Variants in IPO8 observed in about 807,000 individuals in gnomAD.
IPO8 encodes importin 8.
IPO8 carries 65 observed loss-of-function variants against 141.2 expected under a neutral mutation model. The observed-to-expected ratio is 0.46, with a 90% CI of 0.38 to 0.57. IPO8 has a LOEUF of 0.57. IPO8 is among the 20% of genes least tolerant of loss of function. The pLI, the probability that IPO8 is intolerant of heterozygous loss-of-function variation, is 0.00. For missense variants in IPO8, 980 were observed against 1,246.8 expected, an observed-to-expected ratio of 0.79 and a Z score of 3.22; for synonymous variants, 411 against 420.3, an observed-to-expected ratio of 0.98 and a Z score of 0.27.
Position 30,681,770 on chromosome 12 carries a change from G to A in IPO8, c.371C>T (p.Pro124Leu). Residue 124 changes from proline to leucine, a missense_variant, in exon 4 of 25, where the codon CCT becomes CTT. Around this residue, in one of 3 missense-constraint regions of IPO8, gnomAD observed 924 missense variants for 1,153.9 expected, o/e 0.80. Coordinates refer to ENST00000256079, the MANE Select transcript of IPO8 (RefSeq NM_006390.4). Reference sequence around the variant, plus strand: ...GTCGACCACTCCTGGCCAGTGACCAGGAAAATCATGTTTTATGATGGCACG... The same window carrying A: ...GTCGACCACTCCTGGCCAGTGACCAAGAAAATCATGTTTTATGATGGCACG... Reference protein sequence around the residue: ...CLRAIIKHDFPGHWPGVVDKI... With the variant: ...CLRAIIKHDFLGHWPGVVDKI... The A allele has an allele frequency of 6.2e-7, 1 of 1,613,540 alleles. No homozygotes were observed. The highest frequency in any genetic ancestry group is 8.5e-7 in the Non-Finnish European group (1 of 1,179,618).
intron 21 of IPO8, among the ~76,000 whole-genome samples, chr12:30,637,902 G>A (rs1487574859): frequency 6.6e-6 from 1 of 152,178 alleles, no homozygotes; most frequent in African/African-American, 2.4e-5. Context: ...GCGATTCAAT[G>A]TGTTTAAAGT....
chr12:30,646,063 G>T (rs967340783), intron 20 of IPO8, among the ~76,000 whole-genome samples: 5 of 152,082 alleles, frequency 3.3e-5, no homozygotes, highest in African/African-American at 1.2e-4. Flanking sequence ...CACAAGAAAA[G>T]AAAGTTAGAG....
chr12:30,654,365 A>C (rs1272027954), intron 17 of IPO8, among the ~76,000 whole-genome samples: 1 of 151,936 alleles, frequency 6.6e-6, no homozygotes, highest in Non-Finnish European at 1.5e-5. Context: ...CAAAAGCAAA[A>C]ACAGACAAAA....
intron 1 of IPO8, among the ~76,000 whole-genome samples, 154 bp from the exon 2 acceptor site, chr12:30,690,731 C>A (rs1313378857): frequency 6.6e-6 from 1 of 152,084 alleles, no homozygotes; most frequent in Non-Finnish European, 1.5e-5. Flanking sequence ...TACTAAAATA[C>A]TTCAAGTCAA....
At chr12:30,644,877 T>A (rs2136132589) in intron 20 of IPO8, among the ~76,000 whole-genome samples, 1 of 150,972 alleles carries the variant, frequency 6.6e-6, no homozygotes, top group East Asian at 2.0e-4. Context: ...GGTTTCAAAC[T>A]CCTAACCTCA....
Position 30,649,041 on chromosome 12 carries a change from C to T in IPO8, c.2268+96G>A. The T allele has an allele frequency of 2.5e-6, 2 of 815,602 alleles. 1 individual carries two copies. The highest frequency in any genetic ancestry group is 4.0e-6 in the Non-Finnish European group (2 of 497,304). 50.5% of individuals were successfully genotyped at this position (815,602 alleles called of 1,614,324 possible). A position where few individuals can be genotyped will look rare whatever the true frequency, so the allele number is the denominator to read the frequency against. ...CAGAAAGCACAATCTATAGGCTGTC[C>T]TTTCCATTTTTCATCATAATATAAA... On this transcript the variant is annotated intron_variant, in intron 20 of 24. Coordinates refer to ENST00000256079, the MANE Select transcript of IPO8 (RefSeq NM_006390.4).
At chr12:30,663,450 A>G in intron 14 of IPO8, 39 bp downstream of exon 14, 2 of 1,534,402 alleles carry the variant, frequency 1.3e-6, no homozygotes. Context: ...AGTAAATGAA[A>G]TTATTTGAGA....
At chr12:30,633,102 A>C (rs2052455660) in intron 23 of IPO8, among the ~76,000 whole-genome samples, 1 of 152,176 alleles carries the variant, frequency 6.6e-6, no homozygotes, top group Non-Finnish European at 1.5e-5. Flanking sequence ...TACGTTTCCC[A>C]TGCTTTGGAA....
At chr12:30,665,606 A>C (rs1591835391) in intron 12 of IPO8, 123 bp downstream of exon 12, 1 of 657,994 alleles carries the variant, frequency 1.5e-6, no homozygotes, top group East Asian at 2.7e-5. Flanking sequence ...AGAAAGGAGG[A>C]TAGTTGTGAA....
intron 17 of IPO8, among the ~76,000 whole-genome samples, chr12:30,655,586 T>C (rs1387271029): frequency 6.6e-6 from 1 of 152,178 alleles, no homozygotes; most frequent in Non-Finnish European, 1.5e-5. Context: ...TTCTATGAGT[T>C]TGAGATCTTG....
Position 30,693,596 on chromosome 12 carries a change from T to A in IPO8, c.84+1968A>T, listed in dbSNP as rs538108915. On this transcript the variant is annotated intron_variant, in intron 1 of 24. Coordinates refer to ENST00000256079, the MANE Select transcript of IPO8 (RefSeq NM_006390.4). ...CACTCATTTATCCAACAAAGTCGGA[T>A]GTTACAGTGGTGGCAAAGGACAAGC... 2.6e-5 allele frequency among the ~76,000 whole-genome samples: 4 copies of A among 152,338 alleles called. 1 individual carries two copies. In the South Asian group the frequency reaches 8.3e-4, roughly 32 times the overall value.
intron 8 of IPO8, among the ~76,000 whole-genome samples, chr12:30,673,335 T>C (rs967901965): frequency 6.6e-6 from 1 of 152,226 alleles, no homozygotes; most frequent in Non-Finnish European, 1.5e-5. Context: ...TTCCTCAATA[T>C]GGTCCTGACA....
rs1247758683 is a variant in IPO8, at chr12:30,681,726, G to C, written c.415C>G (p.Gln139Glu). Residue 139 changes from glutamine to glutamate, a missense_variant, in exon 4 of 25, where the codon CAA becomes GAA. Physicochemically the swap from Gln to Glu is conservative, Grantham distance 29. Around this residue, in one of 3 missense-constraint regions of IPO8, gnomAD observed 924 missense variants for 1,153.9 expected, o/e 0.80. Coordinates refer to ENST00000256079, the MANE Select transcript of IPO8 (RefSeq NM_006390.4). ...GVVDKIDYYL[Q>E]SQSSASWLGS... ...AGCCAGCTTGCACTGCTCTGTGATT[G>C]CAAGTAATAGTCTATCTTGTCGACC... 1 of 1,613,796 alleles carries C rather than the reference G, an allele frequency of 6.2e-7. No individual in the cohort carries two copies. Among genetic ancestry groups the C allele is most frequent in the Non-Finnish European group, 8.5e-7 (1 of 1,179,744 alleles).
At chr12:30,639,147 A>T (rs529714201) in intron 21 of IPO8, among the ~76,000 whole-genome samples, 1 of 152,282 alleles carries the variant, frequency 6.6e-6, no homozygotes, top group African/African-American at 2.4e-5. Context: ...TCTTTGCCAG[A>T]GGGGTACCAT....
chr12:30,659,320 T>C (rs2052848553), intron 16 of IPO8, among the ~76,000 whole-genome samples: 1 of 151,986 alleles, frequency 6.6e-6, no homozygotes, highest in African/African-American at 2.4e-5. Context: ...TGAAACCCCT[T>C]CTCCACTAAT....
intron 4 of IPO8, among the ~76,000 whole-genome samples, chr12:30,681,133 G>C (rs550145802): frequency 6.6e-6 from 1 of 152,202 alleles, no homozygotes; most frequent in South Asian, 2.1e-4. Context: ...AGCAGAGTAG[G>C]AACTAGTCAG....
At chr12:30,651,577 G>T (rs2052726990) in intron 19 of IPO8, among the ~76,000 whole-genome samples, 1 of 152,056 alleles carries the variant, frequency 6.6e-6, no homozygotes, top group Non-Finnish European at 1.5e-5. Context: ...GTGTGTGTGT[G>T]TGTATGTATA....
At chr12:30,635,064 C>T (rs553080280) in intron 22 of IPO8, among the ~76,000 whole-genome samples, 2 of 152,212 alleles carry the variant, frequency 1.3e-5, no homozygotes, top group African/African-American at 2.4e-5. Context: ...AAGCCAGGCA[C>T]AGAAAGACAC....
At chr12:30,693,445 G>A (rs989447627) in intron 1 of IPO8, among the ~76,000 whole-genome samples, 3 of 152,100 alleles carry the variant, frequency 2.0e-5, no homozygotes, top group African/African-American at 2.4e-5. Flanking sequence ...TTTTCTAAAC[G>A]GCAATTGACA....
Sources: gnomAD v4.1 joint callset for allele counts (sites outside exome capture counted in the v4.1 genomes callset) on GRCh38, gnomAD v4.1.1 for gene constraint, gnomAD v4.1.1 regional missense constraint, MANE v1.5 for transcripts, NCBI Gene and HGNC (gene_info 2026-07-23, HGNC 2026-07-21) for gene names.